The following PLCL2 variants were observed in gnomAD, a reference collection of about 807,000 sequenced individuals.
PLCL2 encodes phospholipase C like 2, also known as inactive phospholipase C-like protein 2.
In PLCL2, 4 loss-of-function variants were observed where a neutral mutation model predicts 79.6. The observed-to-expected ratio is 0.05, with a 90% CI of 0.02 to 0.11. The LOEUF (loss-of-function observed/expected upper bound fraction) is 0.11, where lower values mean the gene tolerates loss of function less well. Among genes scored for constraint, PLCL2 ranks in the 10% least tolerant of loss-of-function variants. The pLI, the probability that PLCL2 is intolerant of heterozygous loss-of-function variation, is 1.00. For synonymous variants in PLCL2, 484 were observed against 457.7 expected, an observed-to-expected ratio of 1.06 and a Z score of -0.73; for missense variants, 895 against 1,291.0, an observed-to-expected ratio of 0.69 and a Z score of 4.70.
At chr3:17,087,485 G>T (rs2065232489) in intron 5 of PLCL2, among the ~76,000 whole-genome samples, 1 of 152,224 alleles carries the variant, frequency 6.6e-6, no homozygotes, top group African/African-American at 2.4e-5. Flanking sequence ...AAGATCAATG[G>T]TTGCCAGGGG....
intron 1 of PLCL2, among the ~76,000 whole-genome samples, chr3:16,918,865 G>A (rs545073757): frequency 6.6e-6 from 1 of 152,038 alleles, no homozygotes; most frequent in Non-Finnish European, 1.5e-5. Context: ...GAGTACAAAG[G>A]TCATTCAGCT....
Position 17,076,531 on chromosome 3 carries a change from A to G in PLCL2, c.3204+8466A>G, listed in dbSNP as rs184679784. Among the ~76,000 whole-genome samples, 312 of 151,962 alleles carry G rather than the reference A, an allele frequency of 2.1e-3. 1 individual carries two copies. Among genetic ancestry groups the G allele is most frequent in the African/African-American group, 5.8e-3 (240 of 41,450 alleles). ...TAAAAAAAAATTTTTTTGAGACAGG[A>G]TCTCACTCTTGCCCAGGCTGGAGTG... On this transcript the variant is annotated intron_variant, in intron 5 of 5. Transcript: ENST00000615277.
At chr3:17,040,084 T>G (rs1014036752) in intron 3 of PLCL2, among the ~76,000 whole-genome samples, 18 of 152,228 alleles carry the variant, frequency 1.2e-4, no homozygotes, top group African/African-American at 4.3e-4. Flanking sequence ...GTGCATCTGT[T>G]TTATTTCTGT....
intron 1 of PLCL2, among the ~76,000 whole-genome samples, chr3:16,991,621 T>C (rs1326137540): frequency 6.6e-6 from 1 of 152,190 alleles, no homozygotes; most frequent in African/African-American, 2.4e-5. Context: ...GGTCACAAGA[T>C]GAGACTGCCC....
chr3:16,980,382 G>C, intron 1 of PLCL2, among the ~76,000 whole-genome samples: 2 of 148,318 alleles, frequency 1.3e-5, no homozygotes, highest in East Asian at 2.2e-4. Context: ...TCTCAGACAG[G>C]GCGGCTGCCG....
intron 1 of PLCL2, among the ~76,000 whole-genome samples, chr3:16,935,615 A>T (rs1031486546): frequency 6.6e-6 from 1 of 152,284 alleles, no homozygotes; most frequent in South Asian, 2.1e-4. Flanking sequence ...AAATCGGGAC[A>T]ACCTAGTCTA....
chr3:16,917,749 T>G (rs1697031016), intron 1 of PLCL2, among the ~76,000 whole-genome samples: 2 of 152,212 alleles, frequency 1.3e-5, no homozygotes, highest in South Asian at 4.1e-4. Context: ...TGAGTCACTT[T>G]GACTGCATTC....
At chr3:17,006,648 C>A (rs1486228781) in intron 1 of PLCL2, among the ~76,000 whole-genome samples, 1 of 152,188 alleles carries the variant, frequency 6.6e-6, no homozygotes, top group East Asian at 1.9e-4. Context: ...GAAGTCTCTG[C>A]TAAGGGGTGT....
intron 1 of PLCL2, among the ~76,000 whole-genome samples, chr3:16,922,716 T>C (rs946914119): frequency 1.7e-4 from 25 of 151,348 alleles, no homozygotes; most frequent in African/African-American, 6.1e-4. Context: ...CCCATAGTAA[T>C]AAAAATAAAA....
chr3:16,940,867 A>C (rs997253673), intron 1 of PLCL2, among the ~76,000 whole-genome samples: 1 of 152,226 alleles, frequency 6.6e-6, no homozygotes, highest in African/African-American at 2.4e-5. Flanking sequence ...GCCAGCCCAC[A>C]GGAAGTGCTT....
chr3:16,966,104 A>G (rs1193181153), intron 1 of PLCL2, among the ~76,000 whole-genome samples: 2 of 151,752 alleles, frequency 1.3e-5, no homozygotes, highest in Non-Finnish European at 2.9e-5. Context: ...CCAGTTTTCA[A>G]AGGGAATGCT....
In PLCL2 at chr3:17,014,791, C is replaced by T; in HGVS notation, c.2898C>T (p.Arg966=). 6.2e-7 allele frequency: 1 copy of T among 1,614,100 alleles called. No individual in the cohort carries two copies. The highest frequency in any genetic ancestry group is 8.5e-7 in the Non-Finnish European group (1 of 1,179,942). The change falls in exon 3 of 6, where the codon CGC becomes CGT. Residue 966 remains arginine, a synonymous_variant. Transcript: ENST00000615277. The part of the protein sequence containing the change: ...LMQCMLAVSP[R]FLGPDNTPLV... ...AGTGCATGTTGGCGGTGTCTCCCCG[C>T]TTTCTGGGGCCCGATAACACACCCC...
intron 1 of PLCL2, among the ~76,000 whole-genome samples, chr3:17,002,573 G>A (rs1246374405): frequency 6.6e-6 from 1 of 152,044 alleles, no homozygotes; most frequent in Non-Finnish European, 1.5e-5. Flanking sequence ...TTTCAGCAGT[G>A]TAACTATGAC....
chr3:17,054,759 A>C (rs564289278), intron 4 of PLCL2, among the ~76,000 whole-genome samples: 1 of 152,302 alleles, frequency 6.6e-6, no homozygotes, highest in Admixed American at 6.5e-5. Flanking sequence ...TGAGATTTGG[A>C]TGGAGACACA....
intron 3 of PLCL2, 51 bp downstream of exon 3, chr3:17,014,962 A>C (rs1185275741): frequency 1.4e-6 from 2 of 1,411,984 alleles, no homozygotes; most frequent in African/African-American, 2.8e-5. Flanking sequence ...AGATATCCTA[A>C]GACAACACAG....
intron 1 of PLCL2, among the ~76,000 whole-genome samples, chr3:16,994,219 C>G (rs988449598): frequency 3.3e-5 from 5 of 152,154 alleles, no homozygotes; most frequent in African/African-American, 4.8e-5. Flanking sequence ...TACAGTGATT[C>G]AGGAAAATGG....
chr3:17,009,886 T>C lies in PLCL2; in HGVS notation c.540T>C (p.Asp180=), dbSNP rs2064301904. The change falls in exon 2 of 6, where the codon GAT becomes GAC. Residue 180 remains aspartate (D), a synonymous_variant. Coordinates refer to ENST00000615277, the MANE Select transcript of PLCL2 (RefSeq NM_001144382.2). The surrounding 1 kb of genome is among the most constrained non-coding windows in gnomAD (Gnocchi z 4.0). The part of the protein sequence containing the change: ...QSLRWEPSKK[D]SEKAKIDIKS... The stretch of plus-strand genomic sequence containing the variant: ...TAAGGTGGGAGCCATCTAAGAAGGA[T>C]TCTGAGAAAGCCAAGATTGACATTA... 4 of 1,612,808 alleles carry C rather than the reference T, an allele frequency of 2.5e-6. No homozygotes were observed. The highest frequency in any genetic ancestry group is 3.4e-6 in the Non-Finnish European group (4 of 1,178,878).
intron 3 of PLCL2, among the ~76,000 whole-genome samples, chr3:17,024,133 G>A (rs1255225094): frequency 3.3e-5 from 5 of 152,134 alleles, no homozygotes. Flanking sequence ...TAAGCCAGCT[G>A]GAAGGATTAT....
intron 4 of PLCL2, among the ~76,000 whole-genome samples, chr3:17,055,696 G>A (rs1231799171): frequency 6.6e-6 from 1 of 152,194 alleles, no homozygotes; most frequent in African/African-American, 2.4e-5. Flanking sequence ...ATCTGGGAGT[G>A]AGACTCAGGA....
Sources: allele counts gnomAD v4.1 joint callset (sites outside exome capture counted in the v4.1 genomes callset), GRCh38; gene constraint gnomAD v4.1.1; non-coding constraint Gnocchi (gnomAD v3.1); transcripts MANE v1.5; gene names NCBI Gene and HGNC (gene_info 2026-07-23, HGNC 2026-07-21).